CYB5R4: variants seen among roughly 807,000 people sequenced by gnomAD.
CYB5R4 encodes the protein cytochrome b5 reductase 4.
CYB5R4 carries 55 observed loss-of-function variants against 70.2 expected under a neutral mutation model. The observed-to-expected ratio is 0.78, with a 90% CI of 0.63 to 0.98. The LOEUF (loss-of-function observed/expected upper bound fraction) is 0.98, where lower values mean the gene tolerates loss of function less well. Ranked by LOEUF, CYB5R4 falls within the 50% of genes least tolerant of loss-of-function variation. The pLI, the probability that CYB5R4 is intolerant of heterozygous loss-of-function variation, is 0.00. For synonymous variants in CYB5R4, 197 were observed against 199.5 expected (o/e 0.99, Z 0.11); for missense variants, 562 against 612.6 (o/e 0.92, Z 0.87).
At chr6:83,922,191 C>T (rs1051443166) in intron 8 of CYB5R4, among the ~76,000 whole-genome samples, 4 of 151,976 alleles carry the variant, frequency 2.6e-5, no homozygotes, top group African/African-American at 9.7e-5. Flanking sequence ...CGTGGGTTAC[C>T]CATTTATGGG....
At chr6:83,954,950 T>G (rs892712393) in intron 14 of CYB5R4, among the ~76,000 whole-genome samples, 2 of 151,668 alleles carry the variant, frequency 1.3e-5, no homozygotes, top group Non-Finnish European at 2.9e-5. Flanking sequence ...CTCACTGTGT[T>G]GCCCAGGCTG....
At chr6:83,901,161 G>T (rs2129136116) in intron 3 of CYB5R4, among the ~76,000 whole-genome samples, 1 of 152,196 alleles carries the variant, frequency 6.6e-6, no homozygotes, top group Admixed American at 6.5e-5. Context: ...CAGGCCTGGT[G>T]GTGACAAAAT....
At chr6:83,930,267 C>T (rs2099467953) in intron 10 of CYB5R4, among the ~76,000 whole-genome samples, 1 of 152,148 alleles carries the variant, frequency 6.6e-6, no homozygotes, top group Non-Finnish European at 1.5e-5. Flanking sequence ...AGTTTGCCCA[C>T]ATCGATTGAC....
At chr6:83,889,299 T>C (rs1229738227) in intron 2 of CYB5R4, among the ~76,000 whole-genome samples, 3 of 152,148 alleles carry the variant, frequency 2.0e-5, no homozygotes, top group Non-Finnish European at 4.4e-5. Flanking sequence ...ATTTCACAGC[T>C]AGAGAGGGGA....
intron 2 of CYB5R4, among the ~76,000 whole-genome samples, chr6:83,892,617 A>G (rs1457305599): frequency 6.6e-6 from 1 of 152,218 alleles, no homozygotes; most frequent in Non-Finnish European, 1.5e-5. Context: ...TGAATAGATG[A>G]AAGAAATATT....
intron 2 of CYB5R4, among the ~76,000 whole-genome samples, chr6:83,878,628 G>A (rs1016776072): frequency 1.3e-5 from 2 of 152,142 alleles, no homozygotes; most frequent in African/African-American, 2.4e-5. Flanking sequence ...TTACAGGCGT[G>A]AGCCACCGCG....
chr6:83,902,887 AACTTT>A, intron 3 of CYB5R4, among the ~76,000 whole-genome samples: 1 of 152,088 alleles, frequency 6.6e-6, no homozygotes, highest in Non-Finnish European at 1.5e-5. Flanking sequence ...TGTGTCTTGT[AACTTT>A]ACTGAATTTG....
chr6:83,949,726 A>G (rs79132032), intron 14 of CYB5R4, among the ~76,000 whole-genome samples: 4,021 of 152,278 alleles, frequency 0.026, 192 homozygotes, highest in African/African-American at 0.091. Context: ...GAGTTTATCT[A>G]GAGAATATCA....
chr6:83,863,947 C>T (rs2099456368), intron 1 of CYB5R4, among the ~76,000 whole-genome samples: 1 of 152,038 alleles, frequency 6.6e-6, no homozygotes, highest in South Asian at 2.1e-4. Context: ...GACCAGTCCC[C>T]CAGGAATACT....
intron 10 of CYB5R4, among the ~76,000 whole-genome samples, chr6:83,926,588 C>T (rs1168812528): frequency 1.3e-5 from 2 of 151,948 alleles, no homozygotes; most frequent in African/African-American, 4.8e-5. Context: ...ACTTAATTAC[C>T]TTTTAAATGA....
chr6:83,908,182 G>A (rs1454740239), intron 3 of CYB5R4, among the ~76,000 whole-genome samples: 1 of 152,142 alleles, frequency 6.6e-6, no homozygotes, highest in Non-Finnish European at 1.5e-5. Flanking sequence ...TAACTGCCAT[G>A]AGATGGTATC....
chr6:83,883,953 T>C (rs933671909), intron 2 of CYB5R4, among the ~76,000 whole-genome samples: 59 of 151,782 alleles, frequency 3.9e-4, no homozygotes, highest in Non-Finnish European at 3.8e-4. Flanking sequence ...TAAAAAATAA[T>C]TTAAAGAGGA....
At position 83,965,680 on chromosome 6, in the gene CYB5R4, TA is replaced by T; in HGVS notation, c.*5804del. The T allele has an allele frequency of 6.6e-6, 1 of 152,302 alleles. No individual in the cohort carries two copies. The highest frequency in any genetic ancestry group is 1.9e-4 in the East Asian group (1 of 5,178). The allele number at this position is 152,302 out of a possible 1,614,324, so 9.4% of individuals were successfully genotyped here. A position where few individuals can be genotyped will look rare whatever the true frequency, so the allele number is the denominator to read the frequency against. On this transcript the variant is annotated 3_prime_UTR_variant, in exon 16 of 16. Coordinates refer to ENST00000369681, the MANE Select transcript of CYB5R4 (RefSeq NM_016230.4). Reference sequence around the variant, plus strand: ...TGATTGGTTTTGAAATGTGAGGACATAAGATTTGGAGGAGCCAGGGGTGGGA... The same window carrying T: ...TGATTGGTTTTGAAATGTGAGGACATAGATTTGGAGGAGCCAGGGGTGGGA...
chr6:83,928,591 G>C (rs1269373150), intron 10 of CYB5R4, among the ~76,000 whole-genome samples: 1 of 152,210 alleles, frequency 6.6e-6, no homozygotes, highest in Non-Finnish European at 1.5e-5. Flanking sequence ...ATTTTGCTGG[G>C]TGTAGAGAGA....
intron 15 of CYB5R4, among the ~76,000 whole-genome samples, chr6:83,957,595 C>T (rs2099472624): frequency 7.4e-6 from 1 of 134,488 alleles, no homozygotes; most frequent in Admixed American, 8.4e-5. Context: ...GCACTCCAGC[C>T]TGGGCAACAA....
At chr6:83,882,294 C>T (rs1588562673) in intron 2 of CYB5R4, among the ~76,000 whole-genome samples, 1 of 152,130 alleles carries the variant, frequency 6.6e-6, no homozygotes, top group South Asian at 2.1e-4. Context: ...GAAGTTGGGG[C>T]ATCTGCGGTA....
chr6:83,937,399 A>G (rs1278579247), intron 12 of CYB5R4, among the ~76,000 whole-genome samples: 2 of 152,238 alleles, frequency 1.3e-5, no homozygotes, highest in East Asian at 3.8e-4. Flanking sequence ...TTATAAGAAT[A>G]AATATATTTC....
intron 2 of CYB5R4, among the ~76,000 whole-genome samples, chr6:83,878,196 C>T (rs1349172946): frequency 2.0e-5 from 3 of 151,880 alleles, no homozygotes; most frequent in African/African-American, 4.8e-5. Context: ...GGAAATTTCT[C>T]ATCTGTTAGA....
rs776151057 is a variant in CYB5R4, at chr6:83,934,608, A to G, written c.828A>G (p.Arg276=). The G allele has an allele frequency of 3.7e-6, 6 of 1,610,578 alleles. No individual in the cohort carries two copies. In the African/African-American group the frequency reaches 8.0e-5, roughly 22 times the overall value. ...ATCACTTTTTAGGTTTGTACTACAG[A>G]AAGTGCCAGTTAATTTCCAAGGAAG... is the stretch of plus-strand genomic sequence containing the variant. ...IPRKDTGLYY[R]KCQLISKEDV... Residue 276 remains arginine, a synonymous_variant, in exon 11 of 16, where the codon AGA becomes AGG. Coordinates refer to ENST00000369681, the MANE Select transcript of CYB5R4 (RefSeq NM_016230.4).
Sources: gnomAD v4.1 joint callset for allele counts (sites outside exome capture counted in the v4.1 genomes callset) on GRCh38, gnomAD v4.1.1 for gene constraint, MANE v1.5 for transcripts, NCBI Gene and HGNC (gene_info 2026-07-23, HGNC 2026-07-21) for gene names.